The following CSMD3 variants were observed in gnomAD, a reference collection of about 807,000 sequenced individuals.
CSMD3 encodes CUB and sushi domain-containing protein 3.
A neutral mutation model predicts 435.2 loss-of-function variants in CSMD3; 177 were observed. That is an observed-to-expected ratio of 0.41 (90% CI 0.36 to 0.46). The LOEUF is 0.46. Ranked by LOEUF, CSMD3 falls within the 20% of genes least tolerant of loss-of-function variation. The probability of loss-of-function intolerance (pLI) is 0.34; values close to 1 mark genes in which losing one functional copy is unlikely to be tolerated. For missense variants in CSMD3, 4,265 were observed against 4,504.6 expected (o/e 0.95, Z 1.52); for synonymous variants, 1,656 against 1,520.5 (o/e 1.09, Z -2.07).
chr8:112,257,691 A>T (rs1372363258), intron 61 of CSMD3, among the ~76,000 whole-genome samples: 1 of 152,222 alleles, frequency 6.6e-6, no homozygotes, highest in Non-Finnish European at 1.5e-5. Flanking sequence ...AATATTGTAA[A>T]AATGGCCATA....
Position 112,766,016 on chromosome 8 carries a change from C to A in CSMD3, c.1972+34146G>T, listed in dbSNP as rs150525867. On this transcript the variant is annotated intron_variant, in intron 13 of 70. Transcript: ENST00000297405. ...GAGCTAACCTTCCCCATACTGCTCTCACTTCCTTTAGCCTTTCCCTCACTG... is the reference window on the plus strand; with the variant it reads ...GAGCTAACCTTCCCCATACTGCTCTAACTTCCTTTAGCCTTTCCCTCACTG... 2.2e-3 allele frequency among the ~76,000 whole-genome samples: 341 copies of A among 151,762 alleles called. 1 individual carries two copies. Among genetic ancestry groups the A allele is most frequent in the African/African-American group, 7.9e-3 (329 of 41,510 alleles).
intron 2 of CSMD3, among the ~76,000 whole-genome samples, chr8:113,294,384 T>C (rs369373658): frequency 3.9e-5 from 6 of 152,106 alleles, no homozygotes; most frequent in Non-Finnish European, 7.4e-5. Context: ...TGTCTATACA[T>C]GACTTTATTT....
chr8:113,205,523 AG>A (rs2092761202), intron 3 of CSMD3, among the ~76,000 whole-genome samples: 2 of 152,282 alleles, frequency 1.3e-5, no homozygotes. Context: ...GATACCATCT[AG>A]GTTTGTGTAT....
At chr8:112,744,122 T>C (rs1179258341) in intron 13 of CSMD3, among the ~76,000 whole-genome samples, 2 of 152,112 alleles carry the variant, frequency 1.3e-5, no homozygotes, top group African/African-American at 4.8e-5. Context: ...GATGTACTTC[T>C]GGAAATTTCA....
chr8:112,792,805 A>G (rs962099222), intron 13 of CSMD3, among the ~76,000 whole-genome samples: 1 of 152,028 alleles, frequency 6.6e-6, no homozygotes, highest in African/African-American at 2.4e-5. Context: ...ATCTTTTCTG[A>G]TTCAAATCTC....
At chr8:112,840,637 A>G (rs1369596929) in intron 11 of CSMD3, among the ~76,000 whole-genome samples, 3 of 151,738 alleles carry the variant, frequency 2.0e-5, no homozygotes, top group Non-Finnish European at 4.4e-5. Flanking sequence ...GGACATCAAA[A>G]TATCTGTATT....
chr8:112,829,705 G>A lies in CSMD3; in HGVS notation c.1840C>T (p.Pro614Ser). Reference sequence around the variant, plus strand: ...ACTTACACTTGGAGCACTGTCCTAGGATCTCCAACTTCGCCCCCATCGCCA... The same window carrying A: ...ACTTACACTTGGAGCACTGTCCTAGAATCTCCAACTTCGCCCCCATCGCCA... ...TIGDGGEVGD[P>S]RTVLQVLTGS... The change falls in exon 12 of 71, where the codon CCT becomes TCT. Residue 614 changes from proline (P) to serine (S), a missense_variant. Physicochemically the swap from Pro to Ser is moderately conservative, Grantham distance 74. Coordinates refer to ENST00000297405, the MANE Select transcript of CSMD3 (RefSeq NM_198123.2). 6.2e-7 allele frequency: 1 copy of A among 1,609,218 alleles called. No homozygotes were observed. Among genetic ancestry groups the A allele is most frequent in the Non-Finnish European group, 8.5e-7 (1 of 1,175,748 alleles).
intron 13 of CSMD3, among the ~76,000 whole-genome samples, chr8:112,742,170 G>C (rs1264476276): frequency 6.6e-6 from 1 of 151,832 alleles, no homozygotes; most frequent in Admixed American, 6.6e-5. Flanking sequence ...AGGTAGAAGT[G>C]GTTTGAGGAG....
At chr8:112,677,477 T>C (rs1490833666) in intron 16 of CSMD3, among the ~76,000 whole-genome samples, 1 of 149,606 alleles carries the variant, frequency 6.7e-6, no homozygotes, top group Non-Finnish European at 1.5e-5. Context: ...TTAAATAACT[T>C]TGGTCTAGTT....
At chr8:112,552,928 A>T (rs1158208963) in intron 25 of CSMD3, among the ~76,000 whole-genome samples, 2 of 152,146 alleles carry the variant, frequency 1.3e-5, no homozygotes, top group Admixed American at 6.6e-5. Context: ...AAAAAAGACA[A>T]CAAAACTGAA....
chr8:113,239,091 C>G (rs1238584069), intron 3 of CSMD3, among the ~76,000 whole-genome samples: 1 of 152,102 alleles, frequency 6.6e-6, no homozygotes, highest in Non-Finnish European at 1.5e-5. Context: ...TCTTGCCTGT[C>G]CGCCTTGAGC....
chr8:112,225,024 G>A, intron 70 of CSMD3, 94 bp from the exon 71 acceptor site: 1 of 1,205,264 alleles, frequency 8.3e-7, no homozygotes. Flanking sequence ...AGCAGATAAT[G>A]TAACTTAAAA....
At chr8:112,729,971 G>A (rs919178919) in intron 13 of CSMD3, among the ~76,000 whole-genome samples, 1 of 152,066 alleles carries the variant, frequency 6.6e-6, no homozygotes, top group Non-Finnish European at 1.5e-5. Flanking sequence ...AGTGTACTTA[G>A]AAACAAATAT....
At chr8:112,790,328 T>C (rs1413905817) in intron 13 of CSMD3, among the ~76,000 whole-genome samples, 3 of 151,624 alleles carry the variant, frequency 2.0e-5, no homozygotes, top group Non-Finnish European at 4.4e-5. Flanking sequence ...AGAAATACTC[T>C]AATTAAGTTT....
intron 27 of CSMD3, among the ~76,000 whole-genome samples, chr8:112,548,750 A>G (rs1178084513): frequency 6.6e-6 from 1 of 152,104 alleles, no homozygotes. Flanking sequence ...ATGTTTTAGA[A>G]AAGATCTCTA....
At chr8:112,598,954 C>T (rs1192977397) in intron 22 of CSMD3, among the ~76,000 whole-genome samples, 1 of 151,250 alleles carries the variant, frequency 6.6e-6, no homozygotes, top group South Asian at 2.1e-4. Flanking sequence ...AGGACATAGG[C>T]ATGGGCAAGG....
At chr8:112,872,193 C>G (rs1231703034) in intron 10 of CSMD3, among the ~76,000 whole-genome samples, 3 of 151,944 alleles carry the variant, frequency 2.0e-5, no homozygotes, top group Non-Finnish European at 4.4e-5. Flanking sequence ...ATAAGTAGTT[C>G]AGTTCAATAA....
intron 59 of CSMD3, among the ~76,000 whole-genome samples, chr8:112,266,833 G>A (rs955866234): frequency 2.6e-5 from 4 of 152,128 alleles, no homozygotes; most frequent in Non-Finnish European, 4.4e-5. Context: ...CTTAATTTGG[G>A]CAGCGAATTG....
At chr8:113,431,113 A>T (rs1299539850) in intron 1 of CSMD3, among the ~76,000 whole-genome samples, 1 of 152,200 alleles carries the variant, frequency 6.6e-6, no homozygotes, top group Admixed American at 6.5e-5. Flanking sequence ...CCTTGCAGGC[A>T]TGGAGGTAGG....
Sources: allele counts gnomAD v4.1 joint callset (sites outside exome capture counted in the v4.1 genomes callset), GRCh38; gene constraint gnomAD v4.1.1; transcripts MANE v1.5; gene names NCBI Gene and HGNC (gene_info 2026-07-23, HGNC 2026-07-21).